MORF4L1: variants seen among roughly 807,000 people sequenced by gnomAD.
MORF4L1 encodes the protein mortality factor 4 like 1, also known as mortality factor 4-like protein 1.
A neutral mutation model predicts 52.9 loss-of-function variants in MORF4L1; 4 were observed. The ratio of observed to expected loss-of-function variants is 0.08; its 90% CI spans 0.04 to 0.17. The LOEUF (loss-of-function observed/expected upper bound fraction) is 0.17. MORF4L1 is among the 10% of genes least tolerant of loss of function. MORF4L1 has a pLI of 1.00. For missense variants in MORF4L1, 214 were observed against 390.4 expected (o/e 0.55, Z 3.81); for synonymous variants, 123 against 134.8 (o/e 0.91, Z 0.61).
chr15:78,897,974 T>C lies in MORF4L1; in HGVS notation c.*907T>C, dbSNP rs2056917262. The C allele has an allele frequency of 6.6e-6, 1 of 152,198 alleles. No individual in the cohort carries two copies. Among genetic ancestry groups the C allele is most frequent in the South Asian group, 2.1e-4 (1 of 4,830 alleles). The allele number at this position is 152,198 out of a possible 1,614,324, so 9.4% of individuals were successfully genotyped here. ...TGTTTTTTTTATTTTCCCTAAATTA[T>C]TACTTACTCTGAGCATTAATTAAGG... On this transcript the variant is annotated 3_prime_UTR_variant, in exon 12 of 12. Coordinates refer to ENST00000426013, the MANE Select transcript of MORF4L1 (RefSeq NM_006791.4).
At chr15:78,886,451 A>G (rs903357921) in intron 4 of MORF4L1, 4 of 529,838 alleles carry the variant, frequency 7.5e-6, no homozygotes, top group Non-Finnish European at 1.4e-5. Context: ...CTAGGTAGAA[A>G]ACAGCAGAAT....
intron 11 of MORF4L1, among the ~76,000 whole-genome samples, chr15:78,895,975 A>G (rs867159280): frequency 1.3e-5 from 2 of 152,220 alleles, no homozygotes; most frequent in South Asian, 4.1e-4. Flanking sequence ...ATGTAATTAA[A>G]AAAAAAAAGT....
chr15:78,884,208 A>AAAACCAC (rs1555439760), intron 3 of MORF4L1, among the ~76,000 whole-genome samples: 2 of 146,716 alleles, frequency 1.4e-5, no homozygotes, highest in East Asian at 2.0e-4. Flanking sequence ...CATCTCAAAA[A>AAAACCAC]AAAAAACAAA....
chr15:78,879,452 C>T (rs2056558720), intron 2 of MORF4L1, among the ~76,000 whole-genome samples: 1 of 149,104 alleles, frequency 6.7e-6, no homozygotes, highest in African/African-American at 2.5e-5. Flanking sequence ...GAACTCCTGA[C>T]CTCGTGATCC....
rs187969165 is a variant in MORF4L1 at position 78,894,621 on chromosome 15, G to A, written c.803-199G>A. The A allele has an allele frequency of 9.1e-4, 486 of 533,392 alleles. 2 individuals are homozygous for A. The highest frequency in any genetic ancestry group is 8.5e-3 in the African/African-American group (448 of 52,442). The allele number at this position is 533,392 out of a possible 1,614,324, so 33.0% of individuals were successfully genotyped here. A position where few individuals can be genotyped will look rare whatever the true frequency, so the allele number is the denominator to read the frequency against. The stretch of plus-strand genomic sequence containing the variant: ...ATGGGGTTTCACCACGTTCGCCAGG[G>A]TGGTCTTGAATACCTGACCTCAAGC... On this transcript the variant is annotated intron_variant, in intron 10 of 11. Coordinates refer to ENST00000426013, the MANE Select transcript of MORF4L1 (RefSeq NM_006791.4).
chr15:78,894,914 T>A lies in MORF4L1; in HGVS notation c.887+10T>A. ...TTCACGATTTCCTAAAGTAAGTCTG[T>A]GCTTGAAATTATAAACATGGATTTG... On this transcript the variant is annotated intron_variant, in intron 11 of 11. Transcript: ENST00000426013. 1 of 1,600,380 alleles carries A rather than the reference T, an allele frequency of 6.2e-7. No homozygotes were observed. Among genetic ancestry groups the A allele is most frequent in the Non-Finnish European group, 8.6e-7 (1 of 1,167,556 alleles).
intron 5 of MORF4L1, among the ~76,000 whole-genome samples, chr15:78,889,473 C>T (rs1398654044): frequency 1.3e-5 from 2 of 152,076 alleles, no homozygotes; most frequent in African/African-American, 2.4e-5. Context: ...AGCATTTTGG[C>T]TTTGGGATGC....
At chr15:78,887,171 C>A (rs2056721064) in intron 4 of MORF4L1, 98 bp from the exon 5 acceptor site, 8 of 1,023,946 alleles carry the variant, frequency 7.8e-6, no homozygotes, top group Non-Finnish European at 1.2e-5. Flanking sequence ...AACTTGTTGC[C>A]AGAATTTGAA....
chr15:78,882,761 C>T (rs937456856), intron 3 of MORF4L1, among the ~76,000 whole-genome samples: 3 of 152,072 alleles, frequency 2.0e-5, no homozygotes, highest in Non-Finnish European at 4.4e-5. Context: ...GCTTAATCTC[C>T]TCCATCTCCT....
intron 5 of MORF4L1, 21 bp from the exon 6 acceptor site, chr15:78,890,968 C>G: frequency 1.4e-6 from 2 of 1,434,974 alleles, no homozygotes; most frequent in Non-Finnish European, 1.9e-6. Context: ...AATTATTTTT[C>G]TTTTTTTTCT....
intron 3 of MORF4L1, among the ~76,000 whole-genome samples, chr15:78,884,218 A>C (rs1346177428): frequency 7.4e-4 from 111 of 149,190 alleles, no homozygotes; most frequent in Non-Finnish European, 1.2e-3. Context: ...AAAAAAACAA[A>C]AAGCTGAAAT....
chr15:78,876,305 G>GT lies in MORF4L1; in HGVS notation c.41-1899dup, dbSNP rs970558495. ...AAACAACTCGTAAACTTATAAAAAA[G>GT]TTTTTTTTTATTTGATAATGGCGTG... is the stretch of plus-strand genomic sequence containing the variant. On this transcript the variant is annotated intron_variant, in intron 1 of 11. Transcript: ENST00000426013. Among the ~76,000 whole-genome samples, 36 of 151,374 alleles carry GT rather than the reference G, an allele frequency of 2.4e-4. 1 individual carries two copies. Among genetic ancestry groups the GT allele is most frequent in the Admixed American group, 1.6e-3 (24 of 15,190 alleles).
chr15:78,884,639 C>CAAA (rs71148577), intron 3 of MORF4L1, among the ~76,000 whole-genome samples: 2 of 89,570 alleles, frequency 2.2e-5, no homozygotes, highest in East Asian at 6.7e-4. Flanking sequence ...AACTCTGTCT[C>CAAA]AAAAAAAAAA....
At chr15:78,882,793 AG>A (rs2056626043) in intron 3 of MORF4L1, among the ~76,000 whole-genome samples, 1 of 147,086 alleles carries the variant, frequency 6.8e-6, no homozygotes, top group Non-Finnish European at 1.5e-5. Flanking sequence ...GAATTGTTTT[AG>A]AGCCAGTATG....
intron 5 of MORF4L1, among the ~76,000 whole-genome samples, chr15:78,888,118 A>G (rs1567311759): frequency 2.8e-5 from 4 of 143,834 alleles, no homozygotes; most frequent in South Asian, 4.2e-4. Context: ...AACATCTGAT[A>G]AGAAGCCTAG....
chr15:78,888,163 T>C (rs555134481), intron 5 of MORF4L1, among the ~76,000 whole-genome samples: 29 of 152,204 alleles, frequency 1.9e-4, no homozygotes, highest in Non-Finnish European at 3.7e-4. Context: ...ACATTTTGTA[T>C]GTTTAAAGTT....
chr15:78,897,416 A>G lies in MORF4L1; in HGVS notation c.*349A>G, dbSNP rs1390685048. ...ATACATGTTAATGCTATATGACAAA[A>G]TGCTCTGATTCCTAGTGCCAAAGGT... On this transcript the variant is annotated 3_prime_UTR_variant, in exon 12 of 12. Coordinates refer to ENST00000426013, the MANE Select transcript of MORF4L1 (RefSeq NM_006791.4). 1 of 188,724 alleles carries G rather than the reference A, an allele frequency of 5.3e-6. No individual in the cohort carries two copies. Among genetic ancestry groups the G allele is most frequent in the Non-Finnish European group, 1.1e-5 (1 of 87,426 alleles). 11.7% of individuals were successfully genotyped at this position (188,724 alleles called of 1,614,324 possible).
At chr15:78,887,489 C>T (rs569616195) in intron 5 of MORF4L1, 140 bp downstream of exon 5, 16 of 645,492 alleles carry the variant, frequency 2.5e-5, no homozygotes, top group East Asian at 2.1e-4. Flanking sequence ...GGTATCAGGT[C>T]GTTAAAGTAG....
rs777803013 is a variant in MORF4L1 at position 78,897,101 on chromosome 15, G to A, written c.*34G>A. 101 of 1,526,658 alleles carry A rather than the reference G, an allele frequency of 6.6e-5. 1 individual carries two copies. The highest frequency in any genetic ancestry group is 4.5e-4 in the East Asian group (20 of 44,360). 94.6% of individuals were successfully genotyped at this position (1,526,658 alleles called of 1,614,324 possible). A position where few individuals can be genotyped will look rare whatever the true frequency, so the allele number is the denominator to read the frequency against. On this transcript the variant is annotated 3_prime_UTR_variant, in exon 12 of 12. Coordinates refer to ENST00000426013, the MANE Select transcript of MORF4L1 (RefSeq NM_006791.4). ...CTCACTCACTTATGTTTGGATCTCCGTAAACACATTTTTGTTCTTAGTCTA... is the reference window on the plus strand; with the variant it reads ...CTCACTCACTTATGTTTGGATCTCCATAAACACATTTTTGTTCTTAGTCTA...
Sources: gnomAD v4.1 joint callset for allele counts (sites outside exome capture counted in the v4.1 genomes callset) on GRCh38, gnomAD v4.1.1 for gene constraint, MANE v1.5 for transcripts, NCBI Gene and HGNC (gene_info 2026-07-23, HGNC 2026-07-21) for gene names.